ACAD11: variants seen among roughly 807,000 people sequenced by gnomAD.
The protein encoded by ACAD11 is acyl-CoA dehydrogenase family member 11.
ACAD11 carries 83 observed loss-of-function variants against 102.2 expected under a neutral mutation model. The ratio of observed to expected loss-of-function variants is 0.81; its 90% CI spans 0.68 to 0.97. The LOEUF (loss-of-function observed/expected upper bound fraction) is 0.97. Among genes scored for constraint, ACAD11 ranks in the 50% least tolerant of loss-of-function variants. The pLI is 0.00. For synonymous variants in ACAD11, 324 were observed against 319.8 expected, an observed-to-expected ratio of 1.01 and a Z score of -0.14; for missense variants, 901 against 951.7, an observed-to-expected ratio of 0.95 and a Z score of 0.70.
chr3:132,649,366 GCCA>G (rs947490900), intron 1 of ACAD11, among the ~76,000 whole-genome samples: 2 of 152,234 alleles, frequency 1.3e-5, no homozygotes, highest in African/African-American at 4.8e-5. Context: ...TAGGAGAAAA[GCCA>G]CCCTGTGGTG....
intron 13 of ACAD11, among the ~76,000 whole-genome samples, chr3:132,594,149 T>C (rs980463381): frequency 4.6e-5 from 7 of 152,140 alleles, no homozygotes; most frequent in African/African-American, 1.7e-4. Context: ...AATCCTGAGA[T>C]CCCCTATGCC....
At chr3:132,641,638 A>AGAGGAGGAAGAAGAGGAAGAAGAG in intron 4 of ACAD11, among the ~76,000 whole-genome samples, 1 of 122,474 alleles carries the variant, frequency 8.2e-6, no homozygotes, top group African/African-American at 3.5e-5. Context: ...AGGAGGAAGA[A>AGAGGAGGAAGAAGAGGAAGAAGAG]GAGGAAGAAG....
chr3:132,600,319 C>A, intron 13 of ACAD11: 1 of 1,309,754 alleles, frequency 7.6e-7, no homozygotes, highest in Non-Finnish European at 1.0e-6. Context: ...AACAAAACAG[C>A]TTGATAAAAA....
intron 17 of ACAD11, among the ~76,000 whole-genome samples, chr3:132,568,395 A>G (rs930097999): frequency 3.9e-5 from 6 of 152,110 alleles, no homozygotes; most frequent in African/African-American, 1.4e-4. Flanking sequence ...GAAAGAAACC[A>G]AGGAAAAGCT....
intron 4 of ACAD11, among the ~76,000 whole-genome samples, chr3:132,641,535 C>G (rs1339715453): frequency 7.0e-6 from 1 of 143,696 alleles, no homozygotes; most frequent in African/African-American, 2.6e-5. Context: ...CAGAGGGAGA[C>G]TCTGTCTCAA....
intron 17 of ACAD11, among the ~76,000 whole-genome samples, chr3:132,571,345 G>C (rs1243389087): frequency 7.8e-6 from 1 of 128,974 alleles, no homozygotes; most frequent in Non-Finnish European, 1.7e-5. Context: ...CTTTTTAACG[G>C]TTTTTTTTTT....
rs201695496 is a variant in ACAD11 at position 132,630,419 on chromosome 3, T to A, written c.963+18A>T. ...CTGGTAAATAATGGCGAAACACACG[T>A]TTAAAACAATTAATTACCTGTGCTA... On this transcript the variant is annotated intron_variant, in intron 7 of 19. Coordinates refer to ENST00000264990, the MANE Select transcript of ACAD11 (RefSeq NM_032169.5). 3.1e-4 allele frequency: 491 copies of A among 1,607,556 alleles called. 2 individuals carry two copies. The highest frequency in any genetic ancestry group is 4.6e-4 in the Admixed American group (27 of 58,848).
chr3:132,656,461 TG>T (rs2107911034), intron 1 of ACAD11, among the ~76,000 whole-genome samples: 1 of 152,050 alleles, frequency 6.6e-6, no homozygotes, highest in Admixed American at 6.5e-5. Context: ...TATGAGTCCC[TG>T]TTGCCCCATA....
intron 17 of ACAD11, among the ~76,000 whole-genome samples, chr3:132,570,404 A>G (rs541222420): frequency 6.6e-6 from 1 of 152,226 alleles, no homozygotes; most frequent in East Asian, 1.9e-4. Context: ...CCAGCAGACA[A>G]TTACGGTGCT....
At chr3:132,561,773 C>T (rs1937065732) in intron 17 of ACAD11, among the ~76,000 whole-genome samples, 1 of 152,196 alleles carries the variant, frequency 6.6e-6, no homozygotes, top group Admixed American at 6.5e-5. Context: ...GTCAAGAACA[C>T]AGAACAGTTC....
chr3:132,572,049 T>C (rs899080185), intron 17 of ACAD11, among the ~76,000 whole-genome samples: 2 of 152,102 alleles, frequency 1.3e-5, no homozygotes, highest in Non-Finnish European at 2.9e-5. Flanking sequence ...CAACACAGTA[T>C]TGGAAGTCCT....
intron 8 of ACAD11, among the ~76,000 whole-genome samples, chr3:132,627,241 T>A (rs750965778): frequency 6.6e-6 from 1 of 152,168 alleles, no homozygotes; most frequent in Non-Finnish European, 1.5e-5. Flanking sequence ...GTATTCAATG[T>A]GTGAGGTGGG....
At position 132,628,351 on chromosome 3, in the gene ACAD11, T is replaced by C. The variant is rs370028650; in HGVS notation, c.1059A>G (p.Gln353=). The C allele has an allele frequency of 2.5e-5, 40 of 1,611,326 alleles. No homozygotes were observed. Among genetic ancestry groups the C allele is most frequent in the Middle Eastern group, 1.6e-4 (1 of 6,070 alleles). Residue 353 remains glutamine (Q), a synonymous_variant, in exon 8 of 20, where the codon CAA becomes CAG. Coordinates refer to ENST00000264990, the MANE Select transcript of ACAD11 (RefSeq NM_032169.5). The stretch of plus-strand genomic sequence containing the variant: ...TCTGTTTTCCTTACCGTTTGGAGAG[T>C]TGTAGTCCAGTTTCTGCCAGAGGTT... ...IVQPLAETGL[Q]LSKRTFSTVL... is the part of the protein sequence containing the mutation.
rs552618111 is a variant in ACAD11 at position 132,611,166 on chromosome 3, T to C, written c.1415-5961A>G. Among the ~76,000 whole-genome samples the C allele has an allele frequency of 3.3e-3, 501 of 152,156 alleles. 2 individuals are homozygous for C. Among genetic ancestry groups the C allele is most frequent in the Non-Finnish European group, 5.8e-3 (394 of 67,998 alleles). On this transcript the variant is annotated intron_variant, in intron 11 of 19. Coordinates refer to ENST00000264990, the MANE Select transcript of ACAD11 (RefSeq NM_032169.5). ...GATGCAGAAAAGGCTTTAGACAAAA[T>C]TCAACAACGCTTCATGCTAAAAACT...
rs116756042 is a variant in ACAD11 at position 132,586,698 on chromosome 3, C to G, written c.1622-7140G>C. 9.7e-3 allele frequency among the ~76,000 whole-genome samples: 1,478 copies of G among 152,232 alleles called. 22 individuals are homozygous for G. The highest frequency in any genetic ancestry group is 0.034 in the African/African-American group (1,401 of 41,548). On this transcript the variant is annotated intron_variant, in intron 13 of 19. Transcript: ENST00000264990. ...TTAGATAAAATAAGAAACTATTATA[C>G]TGAAAATAAATTTTCACTAAAAGAA...
chr3:132,584,725 GA>G (rs1937724680), intron 13 of ACAD11, among the ~76,000 whole-genome samples: 1 of 151,956 alleles, frequency 6.6e-6, no homozygotes, highest in South Asian at 2.1e-4. Context: ...GCCAAATCAT[GA>G]GTGAACTCCC....
At chr3:132,630,756 C>T (rs897493611) in intron 6 of ACAD11, among the ~76,000 whole-genome samples, 198 bp from the exon 7 acceptor site, 3 of 152,066 alleles carry the variant, frequency 2.0e-5, no homozygotes, top group Admixed American at 6.6e-5. Flanking sequence ...CTAAAAGTGG[C>T]ATGCTAAGTT....
intron 15 of ACAD11, among the ~76,000 whole-genome samples, chr3:132,577,498 G>A (rs1025102612): frequency 6.6e-6 from 1 of 152,144 alleles, no homozygotes; most frequent in Non-Finnish European, 1.5e-5. Flanking sequence ...GGAAAGAGCA[G>A]GCTTGGCATT....
intron 13 of ACAD11, among the ~76,000 whole-genome samples, chr3:132,596,731 C>T (rs1302615506): frequency 1.3e-5 from 2 of 152,142 alleles, no homozygotes; most frequent in African/African-American, 4.8e-5. Context: ...TGGGAAAATA[C>T]TCTGGGACAA....
Sources: gnomAD v4.1 joint callset for allele counts (sites outside exome capture counted in the v4.1 genomes callset) on GRCh38, gnomAD v4.1.1 for gene constraint, MANE v1.5 for transcripts, NCBI Gene and HGNC (gene_info 2026-07-23, HGNC 2026-07-21) for gene names.